Variants in GZMB observed in about 807,000 individuals in gnomAD.
GZMB encodes granzyme B, also known as T-cell serine protease 1-3E.
GZMB carries 27 observed loss-of-function variants against 24.2 expected under a neutral mutation model. The observed-to-expected ratio is 1.12, with a 90% confidence interval of 0.82 to 1.54. The LOEUF is 1.54. Among genes scored for constraint, GZMB ranks in the 40% most tolerant of loss-of-function variants. The pLI is 0.00. For missense variants in GZMB, 336 were observed against 310.1 expected (o/e 1.08, Z -0.63); for synonymous variants, 121 against 115.1 (o/e 1.05, Z -0.33).
At position 24,631,171 on chromosome 14, in the gene GZMB, C is replaced by A. The variant is rs867005338; in HGVS notation, c.644G>T (p.Gly215Val). The A allele has an allele frequency of 3.6e-5, 58 of 1,612,870 alleles. No individual in the cohort carries two copies. The highest frequency in any genetic ancestry group is 4.5e-5 in the Non-Finnish European group (53 of 1,179,038). ...ATTGTTTCGTCCATAGGAGACAATG[C>A]CCTGGGCCACCTTGTTACACACAAG... ...GPLVCNKVAQ[G>V]IVSYGRNNGM... is the part of the protein sequence containing the mutation. The change falls in exon 5 of 5, where the codon GGC becomes GTC. Residue 215 changes from glycine (G) to valine (V), a missense_variant. By Grantham distance (109) the Gly-to-Val change is moderately radical. Transcript: ENST00000216341.
intron 2 of GZMB, 190 bp from the exon 3 acceptor site, chr14:24,632,649 G>C: frequency 2.1e-6 from 2 of 936,208 alleles, no homozygotes; most frequent in Non-Finnish European, 3.4e-6. Flanking sequence ...AGAAACACAG[G>C]TGGAATTGCT....
In GZMB at chr14:24,632,100, G is replaced by C. The variant is rs142224147; in HGVS notation, c.358C>G (p.Arg120Gly). ...MLLQLERKAKRTRAVQPLRLP... is the reference protein window; with the variant it reads ...MLLQLERKAKGTRAVQPLRLP... The stretch of plus-strand genomic sequence containing the variant: ...CTGAGGGGCTGCACAGCTCTGGTCC[G>C]CTTGGCCTTTCTCTCCAGCTGGTGG... The change falls in exon 4 of 5, where the codon CGG becomes GGG. Residue 120 changes from arginine to glycine, a missense_variant. Physicochemically the swap from Arg to Gly is moderately radical, Grantham distance 125. Coordinates refer to ENST00000216341, the MANE Select transcript of GZMB (RefSeq NM_004131.6). 3.0e-5 allele frequency: 49 copies of C among 1,613,516 alleles called. No individual in the cohort carries two copies. The highest frequency in any genetic ancestry group is 3.8e-5 in the Non-Finnish European group (45 of 1,179,696).
At chr14:24,634,000 T>A in intron 1 of GZMB, 106 bp downstream of exon 1, 1 of 1,001,598 alleles carries the variant, frequency 1.0e-6, no homozygotes, top group Non-Finnish European at 1.5e-6. Flanking sequence ...GAATGGGAGC[T>A]GGAGTTCAGA....
chr14:24,633,369 T>G, intron 1 of GZMB: 1 of 895,744 alleles, frequency 1.1e-6, no homozygotes, highest in Non-Finnish European at 1.3e-6. Context: ...AAGACCCTTA[T>G]GAGTCCTGTG....
rs780379082 is a variant in GZMB at position 24,631,061 on chromosome 14, C to T, written c.*10G>A. The T allele has an allele frequency of 1.9e-6, 3 of 1,609,728 alleles. No homozygotes were observed. Among genetic ancestry groups the T allele is most frequent in the African/African-American group, 2.7e-5 (2 of 74,790 alleles). The stretch of plus-strand genomic sequence containing the variant: ...TTCATTACAGCGGGGGCTTAGTTTG[C>T]TTCCTGTAGTTAGTAGCGTTTCATG... On this transcript the variant is annotated 3_prime_UTR_variant, in exon 5 of 5. Coordinates refer to ENST00000216341, the MANE Select transcript of GZMB (RefSeq NM_004131.6).
chr14:24,633,365 CT>C, intron 1 of GZMB: 1 of 915,890 alleles, frequency 1.1e-6, no homozygotes, highest in African/African-American at 1.8e-5. Context: ...TTCCAAGACC[CT>C]TATGAGTCCT....
At position 24,631,000 on chromosome 14, in the gene GZMB, C is replaced by T; in HGVS notation, c.*71G>A. 1.7e-6 allele frequency: 2 copies of T among 1,173,538 alleles called. No individual in the cohort carries two copies. The highest frequency in any genetic ancestry group is 2.5e-6 in the Non-Finnish European group (2 of 786,124). The allele number at this position is 1,173,538 out of a possible 1,614,324, so 72.7% of individuals were successfully genotyped here. A position where few individuals can be genotyped will look rare whatever the true frequency, so the allele number is the denominator to read the frequency against. ...ATTTATTCAGTTGCTGGCACCTCTC[C>T]CAGTGTAAATCTGGACTTGGCTCCA... On this transcript the variant is annotated 3_prime_UTR_variant, in exon 5 of 5. Coordinates refer to ENST00000216341, the MANE Select transcript of GZMB (RefSeq NM_004131.6).
intron 1 of GZMB, among the ~76,000 whole-genome samples, chr14:24,633,499 C>T (rs2138506368): frequency 6.6e-6 from 1 of 152,212 alleles, no homozygotes; most frequent in East Asian, 1.9e-4. Flanking sequence ...TTCATGGCTG[C>T]ATGATGGACT....
intron 2 of GZMB, 39 bp from the exon 3 acceptor site, chr14:24,632,498 A>G (rs2067006661): frequency 1.9e-6 from 3 of 1,613,740 alleles, no homozygotes; most frequent in Non-Finnish European, 2.5e-6. Flanking sequence ...GTGGAGTCAC[A>G]GGGTATACAG....
At chr14:24,631,724 C>T in intron 4 of GZMB, 134 bp downstream of exon 4, 3 of 788,722 alleles carry the variant, frequency 3.8e-6, no homozygotes, top group Non-Finnish European at 6.4e-6. Context: ...AGTCTAGTCC[C>T]CTCTTCTCTT....
chr14:24,631,894 G>A lies in GZMB; in HGVS notation c.564C>T (p.Cys188=), dbSNP rs149659869. Residue 188 remains cysteine (C), a synonymous_variant, in exon 4 of 5, where the codon TGC becomes TGT. Coordinates refer to ENST00000216341, the MANE Select transcript of GZMB (RefSeq NM_004131.6). ...TCTTTTTAATCTCTGGGTCCCCCAC[G>A]CACAACTCAATGGTACTGTCGTAAT... ...RHYYDSTIEL[C]VGDPEIKKTS... 6 of 1,613,640 alleles carry A rather than the reference G, an allele frequency of 3.7e-6. No individual in the cohort carries two copies. The highest frequency in any genetic ancestry group is 3.4e-6 in the Non-Finnish European group (4 of 1,179,562).
chr14:24,631,380 G>T (rs778385387), intron 4 of GZMB, among the ~76,000 whole-genome samples, 166 bp from the exon 5 acceptor site: 1 of 152,216 alleles, frequency 6.6e-6, no homozygotes, highest in Non-Finnish European at 1.5e-5. Context: ...TCTGGCCCTG[G>T]ACATTGTTAC....
At position 24,633,077 on chromosome 14, in the gene GZMB, T is replaced by G; in HGVS notation, c.56-15A>C. ...GATGATCTCCCCTGAAGGAAAAGTC[T>G]GTCTGCTTGTGGGCACCCATGGAAT... On this transcript the variant is annotated splice_polypyrimidine_tract_variant and intron_variant, in intron 1 of 4. Transcript: ENST00000216341. The G allele has an allele frequency of 6.3e-7, 1 of 1,585,834 alleles. No individual in the cohort carries two copies. The highest frequency in any genetic ancestry group is 8.6e-7 in the Non-Finnish European group (1 of 1,163,028).
rs373774586 is a variant in GZMB, at chr14:24,631,201, C to A, written c.614G>T (p.Gly205Val). ...KKTSFKGDSG[G>V]PLVCNKVAQG... is the part of the protein sequence containing the mutation. ...GGCCACCTTGTTACACACAAGAGGG[C>A]CTCCAGAGTCCCCCTGTGAATAGAG... Residue 205 changes from glycine to valine, a missense_variant, in exon 5 of 5, where the codon GGC becomes GTC. By Grantham distance (109) the Gly-to-Val change is moderately radical (BLOSUM62 -3). Transcript: ENST00000216341. The A allele has an allele frequency of 1.9e-6, 3 of 1,612,954 alleles. No homozygotes were observed. Among genetic ancestry groups the A allele is most frequent in the Non-Finnish European group, 2.5e-6 (3 of 1,179,308 alleles).
rs1168539094 is a variant in GZMB at position 24,632,414 on chromosome 14, C to T, written c.249G>A (p.Glu83=). 3.7e-6 allele frequency: 6 copies of T among 1,613,520 alleles called. No individual in the cohort carries two copies. Among genetic ancestry groups the T allele is most frequent in the Non-Finnish European group, 5.1e-6 (6 of 1,179,796 alleles). The change falls in exon 3 of 5, where the codon GAG becomes GAA. Residue 83 remains glutamate, a synonymous_variant. Transcript: ENST00000216341. ...TCACAGGGATAAACTGCTGGGTCGG[C>T]TCCTGTTCTTTGATATTGTGGGCCC... ...TLGAHNIKEQ[E]PTQQFIPVKR...
chr14:24,632,578 C>T (rs1205523770), intron 2 of GZMB, 119 bp from the exon 3 acceptor site: 13 of 1,505,218 alleles, frequency 8.6e-6, no homozygotes, highest in Admixed American at 3.4e-5. Context: ...AGGGGACAGT[C>T]GGTCCCCAGG....
chr14:24,631,925 CGTAA>C lies in GZMB; in HGVS notation c.529_532del (p.Leu177AlafsTer63), dbSNP rs1566569416. Reference sequence around the variant, plus strand: ...CTCAATGGTACTGTCGTAATAATGGCGTAAGTCAGATTCGCACTTTCGATCTTCC... The same window carrying C: ...CTCAATGGTACTGTCGTAATAATGGCGTCAGATTCGCACTTTCGATCTTCC... On this transcript the variant is annotated frameshift_variant, in exon 4 of 5. Coordinates refer to ENST00000216341, the MANE Select transcript of GZMB (RefSeq NM_004131.6). LOFTEE classifies it high-confidence loss of function. 3.7e-6 allele frequency: 6 copies of C among 1,613,930 alleles called. No homozygotes were observed. The highest frequency in any genetic ancestry group is 1.3e-5 in the African/African-American group (1 of 75,060).
intron 1 of GZMB, among the ~76,000 whole-genome samples, chr14:24,633,642 C>T (rs900653289): frequency 1.3e-5 from 2 of 152,184 alleles, no homozygotes; most frequent in Admixed American, 1.3e-4. Flanking sequence ...GGAAGAAAAG[C>T]AGAGTTGGAG....
rs1360620278 is a variant in GZMB, at chr14:24,632,076, T to C, written c.382A>G (p.Arg128Gly). ...AKRTRAVQPL[R>G]LPSNKAQVKP... ...ACCTGGGCCTTGTTGCTAGGTAGCC[T>C]GAGGGGCTGCACAGCTCTGGTCCGC... Residue 128 changes from arginine (R) to glycine (G), a missense_variant, in exon 4 of 5, where the codon AGG becomes GGG. Coordinates refer to ENST00000216341, the MANE Select transcript of GZMB (RefSeq NM_004131.6). 9 of 1,614,176 alleles carry C rather than the reference T, an allele frequency of 5.6e-6. No homozygotes were observed. The highest frequency in any genetic ancestry group is 6.8e-6 in the Non-Finnish European group (8 of 1,179,992).
Sources: allele counts gnomAD v4.1 joint callset (sites outside exome capture counted in the v4.1 genomes callset), GRCh38; gene constraint gnomAD v4.1.1; transcripts MANE v1.5; gene names NCBI Gene and HGNC (gene_info 2026-07-23, HGNC 2026-07-21).